Variants in FOXK2 observed in about 807,000 individuals in gnomAD.
FOXK2 encodes the protein forkhead box protein K2.
In FOXK2, 24 loss-of-function variants were observed where a neutral mutation model predicts 53.3. The ratio of observed to expected loss-of-function variants is 0.45; its 90% CI spans 0.33 to 0.63. The LOEUF is 0.63. FOXK2 is among the 30% of genes least tolerant of loss of function. The pLI is 0.03. For synonymous variants in FOXK2, 505 were observed against 407.1 expected, an observed-to-expected ratio of 1.24 and a Z score of -2.89; for missense variants, 952 against 910.5, an observed-to-expected ratio of 1.05 and a Z score of -0.59.
At chr17:82,588,604 T>TA (rs997187536) in intron 8 of FOXK2, among the ~76,000 whole-genome samples, 13 of 152,258 alleles carry the variant, frequency 8.5e-5, no homozygotes, top group African/African-American at 1.7e-4. Context: ...GCTTGGCTGT[T>TA]AGAGGCCAGA....
At position 82,587,711 on chromosome 17, in the gene FOXK2, C is replaced by T. The variant is rs1040476579; in HGVS notation, c.1786+439C>T. The T allele has an allele frequency of 3.0e-5, 8 of 263,924 alleles. 1 individual carries two copies. Among genetic ancestry groups the T allele is most frequent in the South Asian group, 2.2e-4 (5 of 22,494 alleles). The allele number at this position is 263,924 out of a possible 1,614,324, so 16.3% of individuals were successfully genotyped here. Reference sequence around the variant, plus strand: ...CGTCCGAGGCCGGTGCACAGAAAACCGCACGGATGTTCTGACATTGACAAG... The same window carrying T: ...CGTCCGAGGCCGGTGCACAGAAAACTGCACGGATGTTCTGACATTGACAAG... On this transcript the variant is annotated intron_variant, in intron 8 of 8. Transcript: ENST00000335255.
chr17:82,561,152 G>A (rs1410286645), intron 1 of FOXK2, among the ~76,000 whole-genome samples: 3 of 152,098 alleles, frequency 2.0e-5, no homozygotes, highest in African/African-American at 7.2e-5. Flanking sequence ...TTTCATGATG[G>A]GCGCGTTTTG....
At chr17:82,565,538 A>G (rs915683879) in intron 2 of FOXK2, among the ~76,000 whole-genome samples, 2 of 152,246 alleles carry the variant, frequency 1.3e-5, no homozygotes, top group African/African-American at 4.8e-5. Context: ...GAAATGGCCA[A>G]TAAGGACATG....
At chr17:82,520,376 C>A (rs2144029839) in intron 1 of FOXK2, 69 bp downstream of exon 1, 2 of 1,182,740 alleles carry the variant, frequency 1.7e-6, no homozygotes, top group Non-Finnish European at 2.1e-6. Flanking sequence ...GGACGGGACA[C>A]GCGCCCAGGC....
intron 4 of FOXK2, among the ~76,000 whole-genome samples, chr17:82,581,637 C>T (rs1320560314): frequency 3.3e-5 from 5 of 152,082 alleles, no homozygotes; most frequent in African/African-American, 7.2e-5. Context: ...CACTACGCCC[C>T]GCTAATTTTT....
chr17:82,563,466 C>T lies in FOXK2; in HGVS notation c.532C>T (p.His178Tyr). The T allele has an allele frequency of 6.2e-7, 1 of 1,614,142 alleles. No homozygotes were observed. Among genetic ancestry groups the T allele is most frequent in the Non-Finnish European group, 8.5e-7 (1 of 1,180,032 alleles). The change falls in exon 2 of 9, where the codon CAC (histidine) becomes TAC (tyrosine). Residue 178 changes from histidine (H) to tyrosine (Y), a missense_variant. Physicochemically the swap from His to Tyr is moderately conservative, Grantham distance 83. Coordinates refer to ENST00000335255, the MANE Select transcript of FOXK2 (RefSeq NM_004514.4). ...SESPVKAVQP[H>Y]ISPLTINIPD... ...GTCTCCAGTGAAGGCCGTACAGCCA[C>T]ACATCTCGCCCCTGACCATCAACAT... is the stretch of plus-strand genomic sequence containing the variant.
At position 82,587,217 on chromosome 17, in the gene FOXK2, A is replaced by G. The variant is rs977649652; in HGVS notation, c.1731A>G (p.Gln577=). The G allele has an allele frequency of 1.4e-5, 23 of 1,612,988 alleles. No homozygotes were observed. The highest frequency in any genetic ancestry group is 1.9e-5 in the Non-Finnish European group (22 of 1,180,012). ...AGCTACCAATAAAAACTGTAACACA[A>G]AACGGCACTCACGTGGCATCAGTCC... is the stretch of plus-strand genomic sequence containing the variant. ...QHQLPIKTVT[Q]NGTHVASVPT... is the part of the protein sequence containing the mutation. The change falls in exon 8 of 9, where the codon CAA becomes CAG. Residue 577 remains glutamine (Q), a synonymous_variant. Transcript: ENST00000335255.
chr17:82,522,957 G>C (rs2044380187), intron 1 of FOXK2, among the ~76,000 whole-genome samples: 1 of 151,842 alleles, frequency 6.6e-6, no homozygotes, highest in African/African-American at 2.4e-5. Flanking sequence ...ACCACACCCA[G>C]CTAATTTTTG....
chr17:82,581,373 C>G (rs976967933), intron 4 of FOXK2, among the ~76,000 whole-genome samples: 1 of 152,056 alleles, frequency 6.6e-6, no homozygotes, highest in Admixed American at 6.6e-5. Flanking sequence ...GATCTGGGCT[C>G]ACTGCAACCT....
rs532660763 is a variant in FOXK2, at chr17:82,555,349, C to G, written c.420-8005C>G. Among the ~76,000 whole-genome samples the G allele has an allele frequency of 1.1e-4, 16 of 152,254 alleles. No individual in the cohort carries two copies. In the South Asian group the frequency reaches 2.7e-3, roughly 26 times the overall value. Reference sequence around the variant, plus strand: ...TAACCCCCGGCATCTGGTTTCGCCCCCACCTCCGTTCTGTTGTAATATTTT... The same window carrying G: ...TAACCCCCGGCATCTGGTTTCGCCCGCACCTCCGTTCTGTTGTAATATTTT... On this transcript the variant is annotated intron_variant, in intron 1 of 8. Coordinates refer to ENST00000335255, the MANE Select transcript of FOXK2 (RefSeq NM_004514.4).
chr17:82,575,859 C>T (rs1249277929), intron 4 of FOXK2, among the ~76,000 whole-genome samples: 2 of 152,246 alleles, frequency 1.3e-5, no homozygotes, highest in Non-Finnish European at 2.9e-5. Context: ...CAAAGATTCA[C>T]GCAGAGCCTG....
At chr17:82,540,240 C>G (rs1046880977) in intron 1 of FOXK2, among the ~76,000 whole-genome samples, 1 of 150,968 alleles carries the variant, frequency 6.6e-6, no homozygotes, top group African/African-American at 2.4e-5. Context: ...GAGGTCATGC[C>G]ATCGCAGTCC....
chr17:82,573,562 T>TCTCACACACACACA (rs1185597025), intron 4 of FOXK2, among the ~76,000 whole-genome samples: 40 of 83,364 alleles, frequency 4.8e-4, no homozygotes, highest in Admixed American at 1.5e-3. Context: ...TCTCTCTCTC[T>TCTCACACACACACA]CACACACACA....
rs114020603 is a variant in FOXK2 at position 82,569,128 on chromosome 17, A to G, written c.762+927A>G. 4.8e-3 allele frequency among the ~76,000 whole-genome samples: 736 copies of G among 152,368 alleles called. 5 individuals are homozygous for G. The highest frequency in any genetic ancestry group is 0.017 in the African/African-American group (711 of 41,578). ...ATGCAGAGTATTTGCTGATATGGAA[A>G]TATTCCAGATGTAATGCTGAGTGGA... On this transcript the variant is annotated intron_variant, in intron 3 of 8. Coordinates refer to ENST00000335255, the MANE Select transcript of FOXK2 (RefSeq NM_004514.4).
At chr17:82,522,921 A>C (rs1163838819) in intron 1 of FOXK2, among the ~76,000 whole-genome samples, 1 of 152,042 alleles carries the variant, frequency 6.6e-6, no homozygotes, top group Non-Finnish European at 1.5e-5. Context: ...CAGCCTCCTG[A>C]GTAGCTGGGA....
chr17:82,588,247 A>G (rs940861911), intron 8 of FOXK2: 1 of 152,552 alleles, frequency 6.6e-6, no homozygotes, highest in Non-Finnish European at 1.5e-5. Flanking sequence ...GTTTGCAGTC[A>G]TCAGTTACCT....
intron 1 of FOXK2, chr17:82,559,493 G>A (rs959953681): frequency 1.8e-5 from 8 of 456,238 alleles, no homozygotes; most frequent in Non-Finnish European, 3.1e-5. Context: ...ATGAGAGGGT[G>A]GGTGGTCCTG....
chr17:82,538,548 G>A (rs2044543228), intron 1 of FOXK2, among the ~76,000 whole-genome samples: 1 of 152,228 alleles, frequency 6.6e-6, no homozygotes, highest in Non-Finnish European at 1.5e-5. Flanking sequence ...ATTTGCCTTC[G>A]TTGTTGCAGA....
intron 1 of FOXK2, among the ~76,000 whole-genome samples, chr17:82,550,596 G>A (rs2044667032): frequency 6.8e-6 from 1 of 146,510 alleles, no homozygotes; most frequent in African/African-American, 2.5e-5. Context: ...TCCGCCTCCC[G>A]GGTTCACGCC....
Sources: allele counts gnomAD v4.1 joint callset (sites outside exome capture counted in the v4.1 genomes callset), GRCh38; gene constraint gnomAD v4.1.1; transcripts MANE v1.5; gene names NCBI Gene and HGNC (gene_info 2026-07-23, HGNC 2026-07-21).